Variants in RIN2 observed in about 807,000 individuals in gnomAD.
RIN2 encodes Ras and Rab interactor 2, also known as RAB5 interacting protein 2.
Under a neutral mutation model 78.0 loss-of-function variants are expected in RIN2, and 36 were observed. The observed-to-expected ratio is 0.46, with a 90% CI of 0.35 to 0.61. The LOEUF (loss-of-function observed/expected upper bound fraction) is 0.61. Among genes scored for constraint, RIN2 ranks in the 20% least tolerant of loss-of-function variants. The probability of loss-of-function intolerance (pLI) is 0.00; values close to 1 mark genes in which losing one functional copy is unlikely to be tolerated. For missense variants in RIN2, 1,087 were observed against 1,159.7 expected (o/e 0.94, Z 0.91); for synonymous variants, 466 against 466.8 (o/e 1.00, Z 0.02).
intron 2 of RIN2, among the ~76,000 whole-genome samples, chr20:19,843,955 A>C (rs1192248278): frequency 1.3e-5 from 2 of 152,214 alleles, no homozygotes. Flanking sequence ...CTCATTAACT[A>C]TTCATAACTT....
At chr20:19,811,273 C>T (rs1328089845) in intron 2 of RIN2, among the ~76,000 whole-genome samples, 1 of 151,988 alleles carries the variant, frequency 6.6e-6, no homozygotes, top group East Asian at 1.9e-4. Context: ...AACGGGGGCT[C>T]AGTGGCGCTA....
Position 19,917,146 on chromosome 20 carries a change from G to A in RIN2, c.58-17953G>A, listed in dbSNP as rs1018745759. ...AAGGCAGGCGGAGTGGGTAAGGTAC[G>A]ACTCCAAATGGCAAAGCCCCAGCTT... On this transcript the variant is annotated intron_variant, in intron 3 of 12. Transcript: ENST00000255006. Among the ~76,000 whole-genome samples the A allele has an allele frequency of 9.3e-5, 14 of 150,926 alleles. No individual in the cohort carries two copies. The South Asian group carries it at 2.3e-3, about 25-fold the overall frequency.
chr20:19,984,521 C>T (rs192945807), intron 9 of RIN2, among the ~76,000 whole-genome samples: 1 of 152,300 alleles, frequency 6.6e-6, no homozygotes, highest in Non-Finnish European at 1.5e-5. Context: ...AATCCCAGCA[C>T]TTTGCGAGGC....
At chr20:19,894,796 G>C (rs6136877) in intron 3 of RIN2, among the ~76,000 whole-genome samples, 49,345 of 151,930 alleles carry the variant, frequency 0.32, 11,274 homozygotes, top group African/African-American at 0.66. Flanking sequence ...TCCATTGTGG[G>C]CATTATAAAT....
chr20:20,002,347 C>G lies in RIN2; in HGVS notation c.*1411C>G, dbSNP rs959486190. On this transcript the variant is annotated 3_prime_UTR_variant, in exon 13 of 13. Coordinates refer to ENST00000255006, the MANE Select transcript of RIN2 (RefSeq NM_018993.4). The stretch of plus-strand genomic sequence containing the variant: ...TTGGCTTTTGTTGAACTAGAACCCT[C>G]AGCACATACTGTGTTGTACTTTTGT... 8.5e-5 allele frequency: 13 copies of G among 152,316 alleles called. No homozygotes were observed. Among genetic ancestry groups the G allele is most frequent in the African/African-American group, 2.4e-4 (10 of 41,338 alleles). 9.4% of individuals were successfully genotyped at this position (152,316 alleles called of 1,614,324 possible). A position where few individuals can be genotyped will look rare whatever the true frequency, so the allele number is the denominator to read the frequency against.
Position 19,785,297 on chromosome 20 carries a change from C to CACAT in RIN2, c.-162-14322_-162-14321insTACA, listed in dbSNP as rs1555817822. 5.8e-3 allele frequency among the ~76,000 whole-genome samples: 887 copies of CACAT among 152,098 alleles called. 11 individuals carry two copies. The highest frequency in any genetic ancestry group is 0.019 in the African/African-American group (797 of 41,452). ...ACATACACACACACACACACACACA[C>CACAT]ACACCAGAGCAAAAGAAAACTAATG... On this transcript the variant is annotated intron_variant, in intron 1 of 12. Coordinates refer to ENST00000255006, the MANE Select transcript of RIN2 (RefSeq NM_018993.4).
At chr20:19,765,059 A>G (rs1488000624) in intron 1 of RIN2, among the ~76,000 whole-genome samples, 2 of 151,134 alleles carry the variant, frequency 1.3e-5, no homozygotes, top group Non-Finnish European at 2.9e-5. Context: ...CATGTTGGCC[A>G]GGCTGGTCTC....
chr20:19,795,912 A>T (rs1026718068), intron 1 of RIN2, among the ~76,000 whole-genome samples: 1 of 152,166 alleles, frequency 6.6e-6, no homozygotes, highest in Non-Finnish European at 1.5e-5. Context: ...CAAATAGACA[A>T]AATGGCACAT....
chr20:19,851,097 G>C (rs1046790647), intron 2 of RIN2, among the ~76,000 whole-genome samples: 1 of 151,830 alleles, frequency 6.6e-6, no homozygotes, highest in Non-Finnish European at 1.5e-5. Flanking sequence ...AGGAAGGAAG[G>C]AAAGAGAAGA....
chr20:19,920,709 T>C (rs775373416), intron 3 of RIN2, among the ~76,000 whole-genome samples: 1 of 152,264 alleles, frequency 6.6e-6, no homozygotes, highest in Non-Finnish European at 1.5e-5. Context: ...AGAGTCTCGC[T>C]GTGTTGCCCA....
chr20:19,787,759 GT>G (rs1370999522), intron 1 of RIN2, among the ~76,000 whole-genome samples: 1 of 152,170 alleles, frequency 6.6e-6, no homozygotes, highest in East Asian at 1.9e-4. Context: ...TCTGGATTTT[GT>G]ATTTTAAGCT....
chr20:19,815,213 G>A (rs912650230), intron 2 of RIN2, among the ~76,000 whole-genome samples: 2 of 152,036 alleles, frequency 1.3e-5, no homozygotes, highest in Non-Finnish European at 2.9e-5. Context: ...TTCTTATTTT[G>A]TGTTCCTAGG....
At chr20:19,994,046 G>C (rs2042881022) in intron 11 of RIN2, among the ~76,000 whole-genome samples, 1 of 152,196 alleles carries the variant, frequency 6.6e-6, no homozygotes, top group South Asian at 2.1e-4. Context: ...ATTGGCCCAG[G>C]GCAAGGCCCT....
chr20:19,858,813 T>C (rs1215672384), intron 2 of RIN2, among the ~76,000 whole-genome samples: 3 of 152,226 alleles, frequency 2.0e-5, no homozygotes, highest in African/African-American at 7.2e-5. Flanking sequence ...GGGTAAATGT[T>C]TGGGTCTGCT....
At chr20:19,902,015 C>CAAAA (rs55949901) in intron 3 of RIN2, among the ~76,000 whole-genome samples, 4 of 100,668 alleles carry the variant, frequency 4.0e-5, no homozygotes, top group African/African-American at 7.7e-5. Flanking sequence ...GACTCTGTCT[C>CAAAA]AAAAAAAAAA....
intron 12 of RIN2, among the ~76,000 whole-genome samples, chr20:19,999,045 C>A (rs911057057): frequency 6.6e-6 from 1 of 152,112 alleles, no homozygotes; most frequent in Non-Finnish European, 1.5e-5. Context: ...GTTCAGCACT[C>A]GGCTCAGGGG....
intron 1 of RIN2, among the ~76,000 whole-genome samples, chr20:19,783,633 C>T (rs1022538534): frequency 4.6e-5 from 7 of 152,214 alleles, no homozygotes; most frequent in South Asian, 4.1e-4. Flanking sequence ...ATGGGGAAGG[C>T]GGTCCCAGGA....
At position 19,844,672 on chromosome 20, in the gene RIN2, T is replaced by C. The variant is rs867033726; in HGVS notation, c.-36-44894T>C. On this transcript the variant is annotated intron_variant, in intron 2 of 12. Transcript: ENST00000255006. Reference sequence around the variant, plus strand: ...TCTTCTTCTTCTTCTTCTTCTTCCTTCTTCTTCTTCTTCCTCTTCCTCTTC... The same window carrying C: ...TCTTCTTCTTCTTCTTCTTCTTCCTCCTTCTTCTTCTTCCTCTTCCTCTTC... 3.3e-3 allele frequency among the ~76,000 whole-genome samples: 172 copies of C among 52,824 alleles called. 2 individuals carry two copies. The highest frequency in any genetic ancestry group is 0.013 in the African/African-American group (162 of 12,594). The allele number at this position is 52,824 out of a possible 152,430, so 34.7% of individuals were successfully genotyped here.
At chr20:19,899,380 A>G (rs1475957718) in intron 3 of RIN2, among the ~76,000 whole-genome samples, 1 of 152,244 alleles carries the variant, frequency 6.6e-6, no homozygotes, top group East Asian at 1.9e-4. Context: ...TCCCAGCATA[A>G]AATCTTTCAA....
Sources: allele counts gnomAD v4.1 joint callset (sites outside exome capture counted in the v4.1 genomes callset), GRCh38; gene constraint gnomAD v4.1.1; transcripts MANE v1.5; gene names NCBI Gene and HGNC (gene_info 2026-07-23, HGNC 2026-07-21).